Variants in CHIC1 observed in about 807,000 individuals in gnomAD.
The protein encoded by CHIC1 is cysteine rich hydrophobic domain 1.
In CHIC1, 7 loss-of-function variants were observed where a neutral mutation model predicts 18.5. That is an observed-to-expected ratio of 0.38 (90% CI 0.22 to 0.71). The LOEUF is 0.71. Ranked by LOEUF, CHIC1 falls within the 30% of genes least tolerant of loss-of-function variation. CHIC1 has a pLI of 0.49. For synonymous variants in CHIC1, 77 were observed against 73.5 expected, an observed-to-expected ratio of 1.05 and a Z score of -0.25; for missense variants, 159 against 176.9, an observed-to-expected ratio of 0.90 and a Z score of 0.57.
intron 3 of CHIC1, among the ~76,000 whole-genome samples, chrX:73,673,224 G>T (rs1312248337): frequency 3.6e-5 from 4 of 111,386 alleles, no homozygotes; most frequent in Non-Finnish European, 5.7e-5. Flanking sequence ...TTGACTTGGC[G>T]ATGCGGGCTC....
chrX:73,658,212 C>T (rs1255778460), intron 3 of CHIC1, among the ~76,000 whole-genome samples: 1 of 102,425 alleles, frequency 9.8e-6, no homozygotes, highest in African/African-American at 3.6e-5. Flanking sequence ...CTTCTTTGTA[C>T]CCCTGCTAGA....
At chrX:73,600,922 A>C (rs2057644091) in intron 3 of CHIC1, among the ~76,000 whole-genome samples, 1 of 108,063 alleles carries the variant, frequency 9.3e-6, no homozygotes, top group African/African-American at 3.6e-5. Context: ...AGTCTCTGAT[A>C]AAACAGACTT....
In CHIC1 at chrX:73,563,526, T is replaced by G; in HGVS notation, c.242T>G (p.Leu81Arg). 8.7e-7 allele frequency: 1 copy of G among 1,147,970 alleles called. No individual in the cohort carries two copies. Among genetic ancestry groups the G allele is most frequent in the South Asian group, 2.1e-5 (1 of 46,679 alleles). 94.6% of individuals were successfully genotyped at this position (1,147,970 alleles called of 1,213,427 possible). Residue 81 changes from leucine to arginine, a missense_variant, in exon 1 of 6, where the codon CTG becomes CGG. Physicochemically the swap from Leu to Arg is moderately radical, Grantham distance 102. Transcript: ENST00000373502. ...CCTCGGGTAGTGAGCGAGGAGCATC[T>G]GCGGAGATATGCTCCCGACCCTGTA... Reference protein sequence around the residue: ...PPPRVVSEEHLRRYAPDPVLV... With the variant: ...PPPRVVSEEHRRRYAPDPVLV...
At position 73,584,487 on chromosome X, in the gene CHIC1, A is replaced by T; in HGVS notation, c.422A>T (p.Asn141Ile). 1 of 1,173,285 alleles carries T rather than the reference A, an allele frequency of 8.5e-7. No individual in the cohort carries two copies. The highest frequency in any genetic ancestry group is 1.1e-6 in the Non-Finnish European group (1 of 874,981). The change falls in exon 3 of 6, where the codon AAT becomes ATT. Residue 141 changes from asparagine (N) to isoleucine (I), a missense_variant. By Grantham distance (149) the Asn-to-Ile change is moderately radical (BLOSUM62 -3). Coordinates refer to ENST00000373502, the MANE Select transcript of CHIC1 (RefSeq NM_001039840.4). ...NACLKKALPV[N>I]VKWLLCGCLC... The stretch of plus-strand genomic sequence containing the variant: ...TGTTTGAAAAAGGCTCTCCCGGTCA[A>T]TGTGAAATGGCTGCTGTGTGGTTGT...
intron 3 of CHIC1, among the ~76,000 whole-genome samples, chrX:73,602,847 A>G (rs2057658655): frequency 9.2e-6 from 1 of 108,538 alleles, no homozygotes; most frequent in Non-Finnish European, 1.9e-5. Flanking sequence ...TTTATTTATA[A>G]GGCTTCTGTT....
chrX:73,680,986 C>T lies in CHIC1; in HGVS notation c.656C>T (p.Pro219Leu). The change falls in exon 6 of 6, where the codon CCC becomes CTC. Residue 219 changes from proline to leucine, a missense_variant. Physicochemically the swap from Pro to Leu is moderately conservative, Grantham distance 98. Coordinates refer to ENST00000373502, the MANE Select transcript of CHIC1 (RefSeq NM_001039840.4). ...VILIEFLPKY[P>L]IFRPD ...CTAATAGAATTCTTACCAAAATATC[C>T]CATATTCCGACCTGACTGAGGAGTT... is the stretch of plus-strand genomic sequence containing the variant. The T allele has an allele frequency of 1.8e-6, 2 of 1,110,196 alleles. No homozygotes were observed. The highest frequency in any genetic ancestry group is 2.7e-5 in the Admixed American group (1 of 37,180). 91.5% of individuals were successfully genotyped at this position (1,110,196 alleles called of 1,213,427 possible). A position where few individuals can be genotyped will look rare whatever the true frequency, so the allele number is the denominator to read the frequency against.
At chrX:73,677,451 C>T (rs1422443099) in intron 3 of CHIC1, among the ~76,000 whole-genome samples, 1 of 111,722 alleles carries the variant, frequency 9.0e-6, no homozygotes, top group Non-Finnish European at 1.9e-5. Context: ...GGCACCCCTC[C>T]CCCAGCCTCA....
chrX:73,674,280 A>G (rs937746730), intron 3 of CHIC1, among the ~76,000 whole-genome samples: 2 of 111,441 alleles, frequency 1.8e-5, no homozygotes, highest in Admixed American at 1.9e-4. Flanking sequence ...CTCTTTTTCT[A>G]TTGATTGGAA....
intron 3 of CHIC1, among the ~76,000 whole-genome samples, chrX:73,638,344 A>G (rs56367506): frequency 0.037 from 4,088 of 111,029 alleles, 79 homozygotes; most frequent in Middle Eastern, 0.056. Flanking sequence ...GTTTGTCTTC[A>G]GACAGGTTAG....
chrX:73,675,656 G>A (rs1220541381), intron 3 of CHIC1, among the ~76,000 whole-genome samples: 6 of 111,731 alleles, frequency 5.4e-5, no homozygotes, highest in Non-Finnish European at 9.4e-5. Context: ...CCTGAATACA[G>A]CACACTGACG....
intron 2 of CHIC1, among the ~76,000 whole-genome samples, chrX:73,578,404 T>G (rs1400792297): frequency 9.0e-6 from 1 of 110,668 alleles, no homozygotes; most frequent in Non-Finnish European, 1.9e-5. Context: ...TGCCAAATGG[T>G]TAATAGTTGA....
At position 73,680,940 on chromosome X, in the gene CHIC1, G is replaced by A. The variant is rs2058096040; in HGVS notation, c.625-15G>A. The A allele has an allele frequency of 6.6e-6, 6 of 913,917 alleles. No homozygotes were observed. Among genetic ancestry groups the A allele is most frequent in the Non-Finnish European group, 9.2e-6 (6 of 654,638 alleles). The allele number at this position is 913,917 out of a possible 1,213,427, so 75.3% of individuals were successfully genotyped here. On this transcript the variant is annotated splice_polypyrimidine_tract_variant and intron_variant, in intron 5 of 5. Coordinates refer to ENST00000373502, the MANE Select transcript of CHIC1 (RefSeq NM_001039840.4). Reference sequence around the variant, plus strand: ...AAAAATATTTTGTAAATATATTCTTGTTTTTATTTTGCAGGTAATACTAAT... The same window carrying A: ...AAAAATATTTTGTAAATATATTCTTATTTTTATTTTGCAGGTAATACTAAT...
chrX:73,657,205 G>T (rs2057954333), intron 3 of CHIC1, among the ~76,000 whole-genome samples: 1 of 108,999 alleles, frequency 9.2e-6, no homozygotes, highest in Non-Finnish European at 1.9e-5. Context: ...GACTACAGGT[G>T]CCCGCCACCA....
chrX:73,667,696 G>T (rs907632966), intron 3 of CHIC1, among the ~76,000 whole-genome samples: 1 of 111,568 alleles, frequency 9.0e-6, no homozygotes, highest in Non-Finnish European at 1.9e-5. Flanking sequence ...CTTCTGGCTT[G>T]TAAGGTTTTT....
intron 1 of CHIC1, among the ~76,000 whole-genome samples, chrX:73,564,212 T>A (rs2057433553): frequency 9.0e-6 from 1 of 111,262 alleles, no homozygotes. Flanking sequence ...CCTGTGACCT[T>A]GGTCAGGTTG....
At chrX:73,674,421 T>G (rs775456904) in intron 3 of CHIC1, among the ~76,000 whole-genome samples, 54 of 111,911 alleles carry the variant, frequency 4.8e-4, no homozygotes, top group Non-Finnish European at 9.2e-4. Context: ...TCCTGTTATT[T>G]GTCTATTCAG....
chrX:73,612,493 TTGG>T (rs2057713817), intron 3 of CHIC1, among the ~76,000 whole-genome samples: 1 of 111,882 alleles, frequency 8.9e-6, no homozygotes, highest in South Asian at 3.7e-4. Context: ...CCCATAGGTT[TTGG>T]TATGTTGTGT....
At chrX:73,569,989 AAGTT>A (rs1164469681) in intron 1 of CHIC1, among the ~76,000 whole-genome samples, 2 of 111,541 alleles carry the variant, frequency 1.8e-5, no homozygotes, top group African/African-American at 6.5e-5. Context: ...TTGGAGAAGA[AAGTT>A]AGTAATGTGA....
intron 3 of CHIC1, among the ~76,000 whole-genome samples, chrX:73,644,215 A>C (rs1429228495): frequency 8.9e-6 from 1 of 111,983 alleles, no homozygotes; most frequent in Non-Finnish European, 1.9e-5. Context: ...GGTGATCTGC[A>C]AATGCTGCTG....
Sources: gnomAD v4.1 joint callset for allele counts (sites outside exome capture counted in the v4.1 genomes callset) on GRCh38, gnomAD v4.1.1 for gene constraint, MANE v1.5 for transcripts, NCBI Gene and HGNC (gene_info 2026-07-23, HGNC 2026-07-21) for gene names.